IARS1: variants seen among roughly 807,000 people sequenced by gnomAD.
IARS1 encodes isoleucyl-tRNA synthetase 1, also known as isoleucine--tRNA ligase, cytoplasmic.
Under a neutral mutation model 168.2 loss-of-function variants are expected in IARS1, and 124 were observed. The ratio of observed to expected loss-of-function variants is 0.74; its 90% CI spans 0.64 to 0.86. IARS1 has a LOEUF of 0.86. Among genes scored for constraint, IARS1 ranks in the 40% least tolerant of loss-of-function variants. IARS1 has a pLI of 0.00. For missense variants in IARS1, 1,452 were observed against 1,515.8 expected (o/e 0.96, Z 0.70); for synonymous variants, 532 against 529.4 (o/e 1.00, Z -0.07).
At chr9:92,263,313 A>T (rs1033993018) in intron 16 of IARS1, among the ~76,000 whole-genome samples, 1 of 152,230 alleles carries the variant, frequency 6.6e-6, no homozygotes, top group Non-Finnish European at 1.5e-5. Context: ...GTCTGTGTGG[A>T]GAGCCACATG....
rs2133519742 is a variant in IARS1, at chr9:92,233,307, A to T, written c.3284-4181T>A. On this transcript the variant is annotated intron_variant, in intron 30 of 33. Transcript: ENST00000443024. ...ATAACTAAACTTCCTTGTCAATTGC[A>T]ACATTAGTATAATGAACTCTCATTA... Among the ~76,000 whole-genome samples the T allele has an allele frequency of 1.3e-5, 2 of 152,344 alleles. 1 individual carries two copies. Among genetic ancestry groups the T allele is most frequent in the Middle Eastern group, 6.8e-3 (2 of 294 alleles).
intron 6 of IARS1, among the ~76,000 whole-genome samples, chr9:92,283,008 C>T (rs1229448402): frequency 6.6e-6 from 1 of 151,982 alleles, no homozygotes; most frequent in Admixed American, 6.5e-5. Context: ...GTTCACGCCA[C>T]CACGCCCAGC....
intron 30 of IARS1, among the ~76,000 whole-genome samples, chr9:92,238,051 G>A (rs1270374297): frequency 3.3e-5 from 5 of 152,004 alleles, no homozygotes; most frequent in Admixed American, 6.6e-5. Flanking sequence ...GACTATAGGC[G>A]CCCGCCACCA....
intron 31 of IARS1, among the ~76,000 whole-genome samples, chr9:92,224,595 T>C (rs1825344210): frequency 6.6e-6 from 1 of 152,150 alleles, no homozygotes; most frequent in Non-Finnish European, 1.5e-5. Context: ...CCTATCACTC[T>C]GGGAGGCAGA....
chr9:92,293,360 T>A (rs957740763), intron 1 of IARS1: 1 of 379,780 alleles, frequency 2.6e-6, no homozygotes, highest in African/African-American at 2.2e-5. Flanking sequence ...AAATACGTAT[T>A]GCCTATACAT....
At chr9:92,238,305 G>C (rs1406295877) in intron 30 of IARS1, among the ~76,000 whole-genome samples, 1 of 152,206 alleles carries the variant, frequency 6.6e-6, no homozygotes, top group Non-Finnish European at 1.5e-5. Context: ...CTCAATGTGG[G>C]AAAGTGGGGC....
intron 18 of IARS1, among the ~76,000 whole-genome samples, chr9:92,259,844 G>A: frequency 6.6e-6 from 1 of 152,216 alleles, no homozygotes; most frequent in African/African-American, 2.4e-5. Context: ...AACAAGACAG[G>A]GAACCTAGAA....
Position 92,250,215 on chromosome 9 carries a change from A to T in IARS1, c.2504T>A (p.Ile835Asn). ...TATGGGAATAGTTTTTCGGTCTCTG[A>T]TCACTCTTCCAAGTTCAATCACAGA... ...MQSVIELGRV[I>N]RDRKTIPIKY... The change falls in exon 24 of 34, where the codon ATC (isoleucine) becomes AAC (asparagine). Residue 835 changes from isoleucine to asparagine, a missense_variant. Coordinates refer to ENST00000443024, the MANE Select transcript of IARS1 (RefSeq NM_002161.6). The T allele has an allele frequency of 6.2e-7, 1 of 1,612,230 alleles. No homozygotes were observed. Among genetic ancestry groups the T allele is most frequent in the Non-Finnish European group, 8.5e-7 (1 of 1,178,272 alleles).
chr9:92,293,272 G>A (rs1836676900), intron 1 of IARS1, among the ~76,000 whole-genome samples: 1 of 152,026 alleles, frequency 6.6e-6, no homozygotes, highest in Admixed American at 6.6e-5. Flanking sequence ...AAATATTCAT[G>A]GTGACTGAAG....
In IARS1 at chr9:92,234,402, C is replaced by T. The variant is rs192237685; in HGVS notation, c.3284-5276G>A. 3.9e-5 allele frequency among the ~76,000 whole-genome samples: 6 copies of T among 152,246 alleles called. No homozygotes were observed. The East Asian group carries it at 9.6e-4, about 24-fold the overall frequency. On this transcript the variant is annotated intron_variant, in intron 30 of 33. Transcript: ENST00000443024. ...ACATATCAAATCATATTAAGGCAGA[C>T]GACCAAGCTGTGGCTGCATTTAAAG... is the stretch of plus-strand genomic sequence containing the variant.
chr9:92,265,357 GA>G, intron 15 of IARS1, 122 bp downstream of exon 15: 1 of 932,190 alleles, frequency 1.1e-6, no homozygotes, highest in Non-Finnish European at 1.7e-6. Context: ...AATATGACAT[GA>G]GTCATCAGCA....
At chr9:92,222,028 ATAT>A (rs1839732241) in intron 33 of IARS1, among the ~76,000 whole-genome samples, 1 of 152,202 alleles carries the variant, frequency 6.6e-6, no homozygotes, top group African/African-American at 2.4e-5. Context: ...TTAAAAAATT[ATAT>A]TATTGACCGG....
chr9:92,263,129 C>T (rs1831769283), intron 16 of IARS1, 74 bp from the exon 17 acceptor site: 11 of 1,003,356 alleles, frequency 1.1e-5, no homozygotes, highest in Non-Finnish European at 6.1e-6. Context: ...TGTATTTATT[C>T]ATTGAATTTC....
chr9:92,243,155 C>T, intron 28 of IARS1, 61 bp downstream of exon 28: 1 of 1,237,264 alleles, frequency 8.1e-7, no homozygotes, highest in Non-Finnish European at 1.2e-6. Flanking sequence ...CCTATCTTCT[C>T]CAAACAACCA....
At chr9:92,252,438 C>T (rs953605157) in intron 21 of IARS1, 1 of 507,226 alleles carries the variant, frequency 2.0e-6, no homozygotes. Flanking sequence ...AATGAAATTA[C>T]AGTTGTGTTG....
chr9:92,213,433 T>G (rs1838097944), intron 33 of IARS1, among the ~76,000 whole-genome samples: 1 of 152,156 alleles, frequency 6.6e-6, no homozygotes, highest in Non-Finnish European at 1.5e-5. Context: ...GGTTCTAAAT[T>G]CCCAGGAGCT....
At position 92,268,173 on chromosome 9, in the gene IARS1, C is replaced by T; in HGVS notation, c.1431+1G>A. The T allele has an allele frequency of 6.3e-7, 1 of 1,576,218 alleles. No individual in the cohort carries two copies. The highest frequency in any genetic ancestry group is 1.2e-5 in the South Asian group (1 of 84,412). On this transcript the variant is annotated splice_donor_variant, in intron 14 of 33. Coordinates refer to ENST00000443024, the MANE Select transcript of IARS1 (RefSeq NM_002161.6). LOFTEE classifies it high-confidence loss of function. ...CACAAGGAAATACTGCCATGCCTCA[C>T]CTCCTCAAAGTCATCGCTGACCCAC... is the stretch of plus-strand genomic sequence containing the variant.
chr9:92,290,705 A>G (rs978808138), intron 1 of IARS1, among the ~76,000 whole-genome samples: 2 of 152,144 alleles, frequency 1.3e-5, no homozygotes, highest in African/African-American at 4.8e-5. Flanking sequence ...GCTATTATTT[A>G]ATATTCAGTA....
chr9:92,227,591 C>A (rs1476594038), intron 31 of IARS1, among the ~76,000 whole-genome samples: 1 of 145,946 alleles, frequency 6.9e-6, no homozygotes, highest in East Asian at 2.1e-4. Flanking sequence ...GGGCGGCTGC[C>A]GGGCGGAGGG....
Sources: gnomAD v4.1 joint callset for allele counts (sites outside exome capture counted in the v4.1 genomes callset) on GRCh38, gnomAD v4.1.1 for gene constraint, MANE v1.5 for transcripts, NCBI Gene and HGNC (gene_info 2026-07-23, HGNC 2026-07-21) for gene names.